ACSM2A: variants seen among roughly 807,000 people sequenced by gnomAD.
ACSM2A encodes acyl-coenzyme A synthetase ACSM2A, mitochondrial.
A neutral mutation model predicts 76.6 loss-of-function variants in ACSM2A; 72 were observed. The ratio of observed to expected loss-of-function variants is 0.94; its 90% CI spans 0.78 to 1.14. The LOEUF (loss-of-function observed/expected upper bound fraction) is 1.14, where lower values mean the gene tolerates loss of function less well. ACSM2A is among the 50% of genes most tolerant of loss of function. The pLI is 0.00. For missense variants in ACSM2A, 684 were observed against 708.5 expected (o/e 0.97, Z 0.39); for synonymous variants, 249 against 255.9 (o/e 0.97, Z 0.26).
At chr16:20,469,808 C>CAGAA (rs1414625969) in intron 4 of ACSM2A, 89 bp downstream of exon 4, 11 of 1,548,998 alleles carry the variant, frequency 7.1e-6, no homozygotes, top group African/African-American at 1.4e-5. Flanking sequence ...TGAGGAGGTG[C>CAGAA]AGAAAGAACA....
At chr16:20,460,921 GT>G (rs2012583799) in intron 2 of ACSM2A, among the ~76,000 whole-genome samples, 1 of 121,996 alleles carries the variant, frequency 8.2e-6, no homozygotes, top group African/African-American at 3.6e-5. Flanking sequence ...CAATAGAGGT[GT>G]GCAAGTAAGA....
At chr16:20,485,748 T>C (rs2141772340) in intron 13 of ACSM2A, among the ~76,000 whole-genome samples, 1 of 152,340 alleles carries the variant, frequency 6.6e-6, no homozygotes, top group East Asian at 1.9e-4. Context: ...TATCAGCCAC[T>C]AAGAAGATAC....
intron 6 of ACSM2A, among the ~76,000 whole-genome samples, chr16:20,472,950 A>G (rs754136091): frequency 6.6e-6 from 1 of 152,074 alleles, no homozygotes; most frequent in Non-Finnish European, 1.5e-5. Context: ...AATAAATGGA[A>G]TTTTTTCCTG....
chr16:20,477,554 T>A (rs2013821863), intron 9 of ACSM2A, 105 bp downstream of exon 9: 1 of 1,441,314 alleles, frequency 6.9e-7, no homozygotes, highest in African/African-American at 1.4e-5. Context: ...AAAGTACTGA[T>A]ATTAAGATAA....
In ACSM2A at chr16:20,451,556, G is replaced by A. The variant is rs1173577087; in HGVS notation, c.-134G>A. ...TGAGCTCTCTTTCTGACAGTGCAGG[G>A]ATTCTGAAGCTGTCTGCTTGAGTTA... On this transcript the variant is annotated 5_prime_UTR_variant, in exon 1 of 14. Coordinates refer to ENST00000573854, the MANE Select transcript of ACSM2A (RefSeq NM_001308172.2). The A allele has an allele frequency of 6.6e-6, 1 of 151,858 alleles. No individual in the cohort carries two copies. The highest frequency in any genetic ancestry group is 1.5e-5 in the Non-Finnish European group (1 of 67,958). 9.4% of individuals were successfully genotyped at this position (151,858 alleles called of 1,614,324 possible).
rs756879177 is a variant in ACSM2A, at chr16:20,465,511, C to G, written c.178-6C>G. 4 of 1,613,538 alleles carry G rather than the reference C, an allele frequency of 2.5e-6. No individual in the cohort carries two copies. In the East Asian group the frequency reaches 6.7e-5, roughly 27 times the overall value. On this transcript the variant is annotated splice_region_variant and splice_polypyrimidine_tract_variant and intron_variant, in intron 2 of 13. Coordinates refer to ENST00000573854, the MANE Select transcript of ACSM2A (RefSeq NM_001308172.2). ...CCCCTGATCAACAGGGCTTCTCTTT[C>G]CTCAGGCTGGCAAGCGACTCCCAAG...
At chr16:20,457,263 T>C (rs2012233490) in intron 1 of ACSM2A, among the ~76,000 whole-genome samples, 1 of 152,012 alleles carries the variant, frequency 6.6e-6, no homozygotes, top group Non-Finnish European at 1.5e-5. Context: ...GTACCAATCC[T>C]ATCGACGCTA....
intron 1 of ACSM2A, among the ~76,000 whole-genome samples, chr16:20,458,438 T>G (rs942836907): frequency 2.5e-5 from 3 of 118,044 alleles, no homozygotes; most frequent in African/African-American, 1.1e-4. Context: ...TTATGTAGTA[T>G]ATATAACTAT....
intron 4 of ACSM2A, 28 bp from the exon 5 acceptor site, chr16:20,471,045 A>T: frequency 1.2e-6 from 2 of 1,611,938 alleles, no homozygotes; most frequent in Non-Finnish European, 1.7e-6. Flanking sequence ...TCTAGCTCTG[A>T]AAAAATGACA....
chr16:20,472,820 G>C (rs543944824), intron 6 of ACSM2A, among the ~76,000 whole-genome samples: 275 of 152,272 alleles, frequency 1.8e-3, no homozygotes, highest in African/African-American at 6.3e-3. Context: ...GATGTTTGTT[G>C]TTTTAGCTGG....
chr16:20,478,482 G>A (rs1415827457), intron 9 of ACSM2A, 94 bp from the exon 10 acceptor site: 3 of 1,444,348 alleles, frequency 2.1e-6, no homozygotes, highest in East Asian at 4.7e-5. Flanking sequence ...TAGAGCAAGA[G>A]GGTCTTTCAT....
chr16:20,476,500 G>A, intron 8 of ACSM2A: 1 of 985,428 alleles, frequency 1.0e-6, no homozygotes, highest in South Asian at 4.7e-5. Flanking sequence ...GTATGAAAGA[G>A]CCAGGAAGAG....
chr16:20,453,675 T>C (rs868315339), intron 1 of ACSM2A: 27 of 126,818 alleles, frequency 2.1e-4, no homozygotes, highest in African/African-American at 8.5e-4. Context: ...GCCATATTTT[T>C]CTTCTTGCAG....
chr16:20,475,333 C>T lies in ACSM2A; in HGVS notation c.895-29C>T, dbSNP rs762997514. 54 of 1,613,310 alleles carry T rather than the reference C, an allele frequency of 3.3e-5. No individual in the cohort carries two copies. The Admixed American group carries it at 3.5e-4, about 10-fold the overall frequency. ...ATAAGTTGGCATTTGACCTGGTGACCAATGTCTCACCTGGCTCTTGTCTTC... is the reference window on the plus strand; with the variant it reads ...ATAAGTTGGCATTTGACCTGGTGACTAATGTCTCACCTGGCTCTTGTCTTC... On this transcript the variant is annotated intron_variant, in intron 6 of 13. Transcript: ENST00000573854.
intron 6 of ACSM2A, among the ~76,000 whole-genome samples, chr16:20,473,288 G>A (rs796089094): frequency 5.3e-5 from 8 of 152,210 alleles, no homozygotes; most frequent in African/African-American, 1.9e-4. Flanking sequence ...TTCTTACTCT[G>A]TGTCCTTCTC....
At chr16:20,458,733 G>A (rs1488022511) in intron 1 of ACSM2A, among the ~76,000 whole-genome samples, 1 of 141,114 alleles carries the variant, frequency 7.1e-6, no homozygotes, top group African/African-American at 2.6e-5. Flanking sequence ...GTATGGTATG[G>A]GAGGGAGACA....
intron 4 of ACSM2A, chr16:20,470,666 T>A (rs2013331798): frequency 5.3e-6 from 2 of 378,158 alleles, no homozygotes; most frequent in Middle Eastern, 8.5e-4. Flanking sequence ...GGAAAACTTG[T>A]ATTAATTCCA....
intron 1 of ACSM2A, among the ~76,000 whole-genome samples, chr16:20,452,791 A>G (rs1186425308): frequency 2.0e-5 from 3 of 150,752 alleles, no homozygotes; most frequent in South Asian, 2.1e-4. Context: ...TCTACTTCTA[A>G]TAGTATGGAG....
At chr16:20,482,876 C>T (rs1413334854) in intron 12 of ACSM2A, 182 bp from the exon 13 acceptor site, 9 of 930,974 alleles carry the variant, frequency 9.7e-6, no homozygotes, top group Non-Finnish European at 1.2e-5. Context: ...CAATAAATGA[C>T]TTCAGAGAGA....
Sources: gnomAD v4.1 joint callset for allele counts (sites outside exome capture counted in the v4.1 genomes callset) on GRCh38, gnomAD v4.1.1 for gene constraint, MANE v1.5 for transcripts, NCBI Gene and HGNC (gene_info 2026-07-23, HGNC 2026-07-21) for gene names.